The following BMP5 variants were observed in gnomAD, a reference collection of about 807,000 sequenced individuals.
BMP5 encodes bone morphogenetic protein 5.
Under a neutral mutation model 46.6 loss-of-function variants are expected in BMP5, and 23 were observed. The ratio of observed to expected loss-of-function variants is 0.49; its 90% CI spans 0.35 to 0.70. The LOEUF (loss-of-function observed/expected upper bound fraction) is 0.70, where lower values mean the gene tolerates loss of function less well. Among genes scored for constraint, BMP5 ranks in the 30% least tolerant of loss-of-function variants. The pLI is 0.00. For missense variants in BMP5, 545 were observed against 565.6 expected, an observed-to-expected ratio of 0.96 and a Z score of 0.37; for synonymous variants, 204 against 191.9, an observed-to-expected ratio of 1.06 and a Z score of -0.52.
intron 4 of BMP5, among the ~76,000 whole-genome samples, chr6:55,761,157 C>T (rs1485166004): frequency 2.0e-5 from 3 of 151,836 alleles, no homozygotes; most frequent in Non-Finnish European, 4.4e-5. Flanking sequence ...TTCATTTACA[C>T]ATCCAATCTG....
intron 1 of BMP5, among the ~76,000 whole-genome samples, chr6:55,869,898 T>C (rs1187227801): frequency 1.3e-5 from 2 of 152,090 alleles, no homozygotes; most frequent in African/African-American, 4.8e-5. Context: ...CTGTAACTAA[T>C]TGATTTTCAA....
At chr6:55,780,394 G>A (rs776498450) in intron 3 of BMP5, among the ~76,000 whole-genome samples, 7 of 138,496 alleles carry the variant, frequency 5.1e-5, no homozygotes, top group Non-Finnish European at 9.1e-5. Context: ...GCCAAGGTGG[G>A]CCAATCACAA....
intron 1 of BMP5, among the ~76,000 whole-genome samples, chr6:55,833,729 G>A (rs745630710): frequency 6.6e-6 from 1 of 152,148 alleles, no homozygotes; most frequent in Non-Finnish European, 1.5e-5. Flanking sequence ...AGTCTGTGTC[G>A]TTAACTATGT....
At chr6:55,791,083 T>G (rs924373088) in intron 3 of BMP5, among the ~76,000 whole-genome samples, 3 of 152,220 alleles carry the variant, frequency 2.0e-5, no homozygotes, top group Non-Finnish European at 4.4e-5. Context: ...CAACTCCTTT[T>G]GCTTAGAAGA....
At position 55,856,098 on chromosome 6, in the gene BMP5, A is replaced by G. The variant is rs188796789; in HGVS notation, c.490+18278T>C. Reference sequence around the variant, plus strand: ...ATACTAATCTGTTCCTATATCTACAATTTTGCTTATTCTAGAATTTCATAC... The same window carrying G: ...ATACTAATCTGTTCCTATATCTACAGTTTTGCTTATTCTAGAATTTCATAC... On this transcript the variant is annotated intron_variant, in intron 1 of 6. Transcript: ENST00000370830. Among the ~76,000 whole-genome samples the G allele has an allele frequency of 2.0e-3, 299 of 152,202 alleles. 2 individuals carry two copies. The highest frequency in any genetic ancestry group is 6.2e-3 in the African/African-American group (258 of 41,528).
At chr6:55,850,510 A>G (rs1479036536) in intron 1 of BMP5, among the ~76,000 whole-genome samples, 1 of 152,100 alleles carries the variant, frequency 6.6e-6, no homozygotes, top group Non-Finnish European at 1.5e-5. Context: ...CATACCTTAT[A>G]TATTCACACC....
At chr6:55,845,154 T>A (rs973929936) in intron 1 of BMP5, among the ~76,000 whole-genome samples, 8 of 152,042 alleles carry the variant, frequency 5.3e-5, no homozygotes, top group Admixed American at 5.3e-4. Context: ...CACATGTGCA[T>A]AATAAGAAAC....
intron 2 of BMP5, among the ~76,000 whole-genome samples, chr6:55,810,859 C>A (rs865943476): frequency 1.3e-5 from 2 of 152,158 alleles, no homozygotes; most frequent in Non-Finnish European, 1.5e-5. Context: ...ATTACTACTC[C>A]AGCATATCTA....
chr6:55,820,450 C>T (rs1330802945), intron 1 of BMP5, among the ~76,000 whole-genome samples: 2 of 151,834 alleles, frequency 1.3e-5, no homozygotes, highest in Non-Finnish European at 2.9e-5. Flanking sequence ...AAAGGTCTCA[C>T]TCCGTTGCCC....
At chr6:55,839,592 G>A in intron 1 of BMP5, among the ~76,000 whole-genome samples, 1 of 152,112 alleles carries the variant, frequency 6.6e-6, no homozygotes, top group Non-Finnish European at 1.5e-5. Context: ...TGGAATTATA[G>A]GCATGAGCCA....
chr6:55,758,923 TAAA>T, intron 6 of BMP5, 79 bp downstream of exon 6: 1 of 975,038 alleles, frequency 1.0e-6, no homozygotes, highest in Non-Finnish European at 1.7e-6. Context: ...ATTAAAATTG[TAAA>T]TAGATGCTTT....
chr6:55,822,487 T>C (rs1776432522), intron 1 of BMP5, among the ~76,000 whole-genome samples: 1 of 152,150 alleles, frequency 6.6e-6, no homozygotes, highest in African/African-American at 2.4e-5. Flanking sequence ...AACCAGCCAT[T>C]TGAAAATATA....
rs527939451 is a variant in BMP5, at chr6:55,768,855, C to T, written c.1027+5194G>A. Among the ~76,000 whole-genome samples the T allele has an allele frequency of 3.6e-4, 55 of 152,008 alleles. No individual in the cohort carries two copies. The Middle Eastern group carries it at 0.01, about 28-fold the overall frequency. Reference sequence around the variant, plus strand: ...TTCCAGACCACTGCAATGAAGTGAACGTCACAATAAAGTGAGTGTCACAAT... The same window carrying T: ...TTCCAGACCACTGCAATGAAGTGAATGTCACAATAAAGTGAGTGTCACAAT... On this transcript the variant is annotated intron_variant, in intron 4 of 6. Coordinates refer to ENST00000370830, the MANE Select transcript of BMP5 (RefSeq NM_021073.4).
rs1399302813 is a variant in BMP5, at chr6:55,774,082, G to A, written c.994C>T (p.His332Tyr). The A allele has an allele frequency of 3.7e-6, 6 of 1,612,754 alleles. No homozygotes were observed. Among genetic ancestry groups the A allele is most frequent in the Non-Finnish European group, 5.1e-6 (6 of 1,179,326 alleles). The change falls in exon 4 of 7, where the codon CAT becomes TAT. Residue 332 changes from histidine (H) to tyrosine (Y), a missense_variant. His to Tyr is a moderately conservative substitution (Grantham distance 83, BLOSUM62 2). Transcript: ENST00000370830. Reference sequence around the variant, plus strand: ...CTGGACATTCTGGAGGAGTCCTGATGAGAGCTGGATTTATTGCGGTTTTGA... The same window carrying A: ...CTGGACATTCTGGAGGAGTCCTGATAAGAGCTGGATTTATTGCGGTTTTGA... Reference protein sequence around the residue: ...KNQNRNKSSSHQDSSRMSSVG... With the variant: ...KNQNRNKSSSYQDSSRMSSVG...
At position 55,836,633 on chromosome 6, in the gene BMP5, C is replaced by T. The variant is rs549685204; in HGVS notation, c.491-16786G>A. Among the ~76,000 whole-genome samples, 12 of 106,966 alleles carry T rather than the reference C, an allele frequency of 1.1e-4. No individual in the cohort carries two copies. In the South Asian group the frequency reaches 3.5e-3, roughly 31 times the overall value. 70.2% of individuals were successfully genotyped at this position (106,966 alleles called of 152,430 possible). A position where few individuals can be genotyped will look rare whatever the true frequency, so the allele number is the denominator to read the frequency against. On this transcript the variant is annotated intron_variant, in intron 1 of 6. Transcript: ENST00000370830. ...ACACACACAAACACATACATACATA[C>T]ACACACACACACACACACACACACA...
chr6:55,790,292 A>C (rs1026257615), intron 3 of BMP5, among the ~76,000 whole-genome samples: 7 of 152,176 alleles, frequency 4.6e-5, no homozygotes, highest in African/African-American at 1.7e-4. Context: ...TTTAATTACA[A>C]ACTCACTCAA....
At chr6:55,761,142 T>C (rs1774766760) in intron 4 of BMP5, among the ~76,000 whole-genome samples, 1 of 152,006 alleles carries the variant, frequency 6.6e-6, no homozygotes, top group African/African-American at 2.4e-5. Flanking sequence ...GTTCTTTTTT[T>C]TTCTTTCATT....
At chr6:55,853,033 G>A (rs1342062117) in intron 1 of BMP5, among the ~76,000 whole-genome samples, 1 of 151,786 alleles carries the variant, frequency 6.6e-6, no homozygotes, top group Non-Finnish European at 1.5e-5. Context: ...AGGAGACTGA[G>A]GCAGGAGAAT....
rs560468746 is a variant in BMP5 at position 55,769,126 on chromosome 6, G to A, written c.1027+4923C>T. Among the ~76,000 whole-genome samples, 7 of 152,044 alleles carry A rather than the reference G, an allele frequency of 4.6e-5. No individual in the cohort carries two copies. In the South Asian group the frequency reaches 1.5e-3, roughly 32 times the overall value. On this transcript the variant is annotated intron_variant, in intron 4 of 6. Transcript: ENST00000370830. ...GTGATTGCTGAAGGTTGATGTGGCT[G>A]TGGCAATTTCTTAAAAGACAACGAT... is the stretch of plus-strand genomic sequence containing the variant.
Sources: gnomAD v4.1 joint callset for allele counts (sites outside exome capture counted in the v4.1 genomes callset) on GRCh38, gnomAD v4.1.1 for gene constraint, MANE v1.5 for transcripts, NCBI Gene and HGNC (gene_info 2026-07-23, HGNC 2026-07-21) for gene names.